The following ATP1A1 variants were observed in gnomAD, a reference collection of about 807,000 sequenced individuals.
ATP1A1 encodes ATPase Na+/K+ transporting subunit alpha 1.
A neutral mutation model predicts 114.8 loss-of-function variants in ATP1A1; 14 were observed. The observed-to-expected ratio is 0.12, with a 90% confidence interval of 0.08 to 0.19. The LOEUF (loss-of-function observed/expected upper bound fraction) is 0.19. Among genes scored for constraint, ATP1A1 ranks in the 10% least tolerant of loss-of-function variants. The probability of loss-of-function intolerance (pLI) is 1.00; values close to 1 mark genes in which losing one functional copy is unlikely to be tolerated. For missense variants in ATP1A1, 524 were observed against 1,290.7 expected (o/e 0.41, Z 9.10); for synonymous variants, 471 against 466.3 (o/e 1.01, Z -0.13).
chr1:116,388,383 C>A lies in ATP1A1; in HGVS notation c.501+139C>A. On this transcript the variant is annotated intron_variant, in intron 5 of 22. Coordinates refer to ENST00000295598, the MANE Select transcript of ATP1A1 (RefSeq NM_000701.8). The surrounding 1 kb of genome is among the most constrained non-coding windows in gnomAD (Gnocchi z 5.6). ...TGGATGTCTTCTACCCCACCCAAAA[C>A]CAACCTATTTTCCTTCTATCCAAAA... The A allele has an allele frequency of 2.1e-6, 2 of 974,338 alleles. No individual in the cohort carries two copies. The highest frequency in any genetic ancestry group is 3.0e-6 in the Non-Finnish European group (2 of 658,644). 60.4% of individuals were successfully genotyped at this position (974,338 alleles called of 1,614,324 possible). A position where few individuals can be genotyped will look rare whatever the true frequency, so the allele number is the denominator to read the frequency against.
At position 116,388,464 on chromosome 1, in the gene ATP1A1, CAATATCTCTT is replaced by C; in HGVS notation, c.502-171_502-162del. The C allele has an allele frequency of 1.0e-6, 1 of 1,004,056 alleles. No individual in the cohort carries two copies. The highest frequency in any genetic ancestry group is 1.4e-6 in the Non-Finnish European group (1 of 699,338). 62.2% of individuals were successfully genotyped at this position (1,004,056 alleles called of 1,614,324 possible). A position where few individuals can be genotyped will look rare whatever the true frequency, so the allele number is the denominator to read the frequency against. On this transcript the variant is annotated intron_variant, in intron 5 of 22. Transcript: ENST00000295598. The surrounding 1 kb of genome is among the most constrained non-coding windows in gnomAD (Gnocchi z 5.6). ...TGAATACAGGCACACCATGTAACAG[CAATATCTCTT>C]AAACTGGCGAGCAAGCTTTTGTAAC...
intron 10 of ATP1A1, 97 bp downstream of exon 10, chr1:116,390,988 A>G (rs1006359493): frequency 2.7e-5 from 28 of 1,041,914 alleles, no homozygotes; most frequent in Middle Eastern, 4.6e-4. Flanking sequence ...GGTCTGTGTG[A>G]CTGTTCACTG....
rs1653517066 is a variant in ATP1A1, at chr1:116,401,937, C to T, written c.2951+282C>T. On this transcript the variant is annotated intron_variant, in intron 21 of 22. Transcript: ENST00000295598. This position sits in a 1 kb window ranked among gnomAD's most constrained non-coding sequence, Gnocchi z 4.7. ...GCTCAACAGCGAACTGCATTGAGCACTCAGGTCTGCCACAGCTGTAGTCCA... is the reference window on the plus strand; with the variant it reads ...GCTCAACAGCGAACTGCATTGAGCATTCAGGTCTGCCACAGCTGTAGTCCA... The T allele has an allele frequency of 4.9e-6, 2 of 408,190 alleles. No individual in the cohort carries two copies. The highest frequency in any genetic ancestry group is 8.8e-6 in the Non-Finnish European group (2 of 228,166). The allele number at this position is 408,190 out of a possible 1,614,324, so 25.3% of individuals were successfully genotyped here.
At chr1:116,383,385 C>G in intron 1 of ATP1A1, 1 of 1,007,348 alleles carries the variant, frequency 9.9e-7, no homozygotes, top group Non-Finnish European at 1.2e-6. Flanking sequence ...GTAATAATGT[C>G]TTTGCAAAGC....
rs746493473 is a variant in ATP1A1 at position 116,401,945 on chromosome 1, TGCC to T, written c.2951+291_2951+293del. On this transcript the variant is annotated intron_variant, in intron 21 of 22. Coordinates refer to ENST00000295598, the MANE Select transcript of ATP1A1 (RefSeq NM_000701.8). The surrounding 1 kb of genome is among the most constrained non-coding windows in gnomAD (Gnocchi z 4.7). ...GCGAACTGCATTGAGCACTCAGGTC[TGCC>T]ACAGCTGTAGTCCAGTTGTCTTTAG... 1.6e-5 allele frequency: 6 copies of T among 381,500 alleles called. No individual in the cohort carries two copies. The highest frequency in any genetic ancestry group is 2.8e-5 in the Non-Finnish European group (6 of 212,258). 23.6% of individuals were successfully genotyped at this position (381,500 alleles called of 1,614,324 possible).
chr1:116,383,747 A>T (rs2101037514), intron 1 of ATP1A1, among the ~76,000 whole-genome samples: 1 of 152,366 alleles, frequency 6.6e-6, no homozygotes, highest in East Asian at 1.9e-4. Context: ...TGGCACTGGC[A>T]GGGCCATTCT....
At chr1:116,402,375 G>C (rs1046698722) in intron 21 of ATP1A1, among the ~76,000 whole-genome samples, 1 of 152,216 alleles carries the variant, frequency 6.6e-6, no homozygotes, top group African/African-American at 2.4e-5. Flanking sequence ...AAGTTCCTTT[G>C]AAGCTTTTGA....
Position 116,387,575 on chromosome 1 carries a change from C to T in ATP1A1, c.387+84C>T, listed in dbSNP as rs1557784229. ...TTGTCTCCCACTTCTTCTCAATTAC[C>T]ACTCATTACTTAATGGTTATGAACT... On this transcript the variant is annotated intron_variant, in intron 4 of 22. Transcript: ENST00000295598. The surrounding 1 kb of genome is among the most constrained non-coding windows in gnomAD (Gnocchi z 6.7). 2.1e-6 allele frequency: 3 copies of T among 1,423,052 alleles called. No individual in the cohort carries two copies. The highest frequency in any genetic ancestry group is 2.9e-6 in the Non-Finnish European group (3 of 1,026,814). The allele number at this position is 1,423,052 out of a possible 1,614,324, so 88.2% of individuals were successfully genotyped here.
At position 116,389,362 on chromosome 1, in the gene ATP1A1, A is replaced by T. The variant is rs12134095; in HGVS notation, c.755-77A>T. The T allele has an allele frequency of 0.036, 56,700 of 1,564,374 alleles. 2,388 individuals carry two copies. Among genetic ancestry groups the T allele is most frequent in the African/African-American group, 0.21 (15,453 of 73,312 alleles). The stretch of plus-strand genomic sequence containing the variant: ...CTCTTTTTGTTTTTTTAGTCATCCT[A>T]TGTAATTGTGTAAAATCCGTGGCTT... On this transcript the variant is annotated intron_variant, in intron 7 of 22. Transcript: ENST00000295598. The surrounding 1 kb of genome is among the most constrained non-coding windows in gnomAD (Gnocchi z 6.9).
intron 1 of ATP1A1, among the ~76,000 whole-genome samples, chr1:116,376,804 G>A (rs1190879341): frequency 9.2e-5 from 14 of 152,108 alleles, no homozygotes; most frequent in Non-Finnish European, 2.1e-4. Flanking sequence ...CAAAAAAAAA[G>A]ATGCCTTTAA....
In ATP1A1 at chr1:116,373,374, A is replaced by ACCCC; in HGVS notation, c.-135_-134insCCCC. The stretch of plus-strand genomic sequence containing the variant: ...GGCCCGAGCCGCCGGCCGCCCTCCC[A>ACCCC]CCCTCCCGCCCCGCGGCAGCCCTAG... On this transcript the variant is annotated 5_prime_UTR_variant, in exon 1 of 23. Coordinates refer to ENST00000295598, the MANE Select transcript of ATP1A1 (RefSeq NM_000701.8). 9.4e-6 allele frequency: 2 copies of ACCCC among 212,620 alleles called. No individual in the cohort carries two copies. Among genetic ancestry groups the ACCCC allele is most frequent in the East Asian group, 1.3e-4 (1 of 7,484 alleles). 13.2% of individuals were successfully genotyped at this position (212,620 alleles called of 1,614,324 possible). A position where few individuals can be genotyped will look rare whatever the true frequency, so the allele number is the denominator to read the frequency against.
Position 116,404,079 on chromosome 1 carries a change from G to A in ATP1A1, c.3043+104G>A. On this transcript the variant is annotated intron_variant, in intron 22 of 22. Coordinates refer to ENST00000295598, the MANE Select transcript of ATP1A1 (RefSeq NM_000701.8). The surrounding 1 kb of genome is among the most constrained non-coding windows in gnomAD (Gnocchi z 4.8). ...GGTGTCTAGGCTCCCTCAGTGGTCA[G>A]TCTGATTAGCTAAGGTGACTGGACC... 8.9e-7 allele frequency: 1 copy of A among 1,126,586 alleles called. No homozygotes were observed. The highest frequency in any genetic ancestry group is 2.4e-5 in the East Asian group (1 of 42,264). 69.8% of individuals were successfully genotyped at this position (1,126,586 alleles called of 1,614,324 possible).
Position 116,393,770 on chromosome 1 carries a change from A to G in ATP1A1, c.1660+47A>G, listed in dbSNP as rs200192898. ...AGAGTGCCTGGGCACGTTTTTATCC[A>G]GTAACCTAGTCTGGTAGACAGTTAA... On this transcript the variant is annotated intron_variant, in intron 12 of 22. Coordinates refer to ENST00000295598, the MANE Select transcript of ATP1A1 (RefSeq NM_000701.8). This position sits in a 1 kb window ranked among gnomAD's most constrained non-coding sequence, Gnocchi z 5.0. 6 of 1,560,890 alleles carry G rather than the reference A, an allele frequency of 3.8e-6. No individual in the cohort carries two copies. In the East Asian group the frequency reaches 1.4e-4, roughly 36 times the overall value.
chr1:116,388,837 G>T lies in ATP1A1; in HGVS notation c.636+65G>T. 6.2e-7 allele frequency: 1 copy of T among 1,613,192 alleles called. No homozygotes were observed. Among genetic ancestry groups the T allele is most frequent in the Non-Finnish European group, 8.5e-7 (1 of 1,179,418 alleles). ...CTGTTCGGGCAGCTTGATTTGAGGGGTACAGTAGCCCATGATAAGGCTGGT... is the reference window on the plus strand; with the variant it reads ...CTGTTCGGGCAGCTTGATTTGAGGGTTACAGTAGCCCATGATAAGGCTGGT... On this transcript the variant is annotated intron_variant, in intron 6 of 22. Coordinates refer to ENST00000295598, the MANE Select transcript of ATP1A1 (RefSeq NM_000701.8). The surrounding 1 kb of genome is among the most constrained non-coding windows in gnomAD (Gnocchi z 5.6).
At chr1:116,400,662 T>G (rs541551860) in intron 18 of ATP1A1, among the ~76,000 whole-genome samples, 199 bp from the exon 19 acceptor site, 1 of 152,216 alleles carries the variant, frequency 6.6e-6, no homozygotes, top group South Asian at 2.1e-4. Flanking sequence ...GCCCTGAGAT[T>G]GGAGTGTATG....
chr1:116,384,095 A>G lies in ATP1A1; in HGVS notation c.94A>G (p.Met32Val). The G allele has an allele frequency of 6.2e-7, 1 of 1,614,056 alleles. No individual in the cohort carries two copies. The highest frequency in any genetic ancestry group is 2.2e-5 in the East Asian group (1 of 44,866). ...KGKKGKKDRD[M>V]DELKKEVSMD... ...CAAAAAGGGCAAAAAAGACAGGGAC[A>G]TGGATGAACTGAAGAAAGAAGTTTC... is the stretch of plus-strand genomic sequence containing the variant. The change falls in exon 2 of 23, where the codon ATG (methionine) becomes GTG (valine). Residue 32 changes from methionine (M) to valine (V), a missense_variant. By Grantham distance (21) the Met-to-Val change is conservative. Around this residue, in one of 8 missense-constraint regions of ATP1A1, gnomAD observed 141 missense variants for 316.6 expected, o/e 0.45. Coordinates refer to ENST00000295598, the MANE Select transcript of ATP1A1 (RefSeq NM_000701.8). This position sits in a 1 kb window ranked among gnomAD's most constrained non-coding sequence, Gnocchi z 5.1.
intron 10 of ATP1A1, chr1:116,392,191 T>C (rs1652519231): frequency 1.3e-5 from 2 of 152,248 alleles, no homozygotes; most frequent in African/African-American, 4.8e-5. Flanking sequence ...AAGTGTGTCA[T>C]CATGTATCAT....
In ATP1A1 at chr1:116,398,780, G is replaced by C; in HGVS notation, c.2284G>C (p.Val762Leu). Residue 762 changes from valine to leucine, a missense_variant, in exon 16 of 23, where the codon GTA becomes CTA. Physicochemically the swap from Val to Leu is conservative, Grantham distance 32. Transcript: ENST00000295598. The surrounding 1 kb of genome is among the most constrained non-coding windows in gnomAD (Gnocchi z 6.1). ...DDNFASIVTG[V>L]EEGRLIFDNL... is the part of the protein sequence containing the mutation. ...CAACTTTGCCTCAATTGTGACTGGA[G>C]TAGAGGAAGGTGAGAGCTATTTAAG... 6.2e-7 allele frequency: 1 copy of C among 1,614,128 alleles called. No individual in the cohort carries two copies. The highest frequency in any genetic ancestry group is 8.5e-7 in the Non-Finnish European group (1 of 1,180,010).
chr1:116,379,644 T>C (rs1651608292), intron 1 of ATP1A1, among the ~76,000 whole-genome samples: 2 of 152,262 alleles, frequency 1.3e-5, no homozygotes, highest in Admixed American at 1.3e-4. Context: ...AGTTTTTTCT[T>C]CAAAGGTTTG....
Sources: allele counts gnomAD v4.1 joint callset (sites outside exome capture counted in the v4.1 genomes callset), GRCh38; gene constraint gnomAD v4.1.1; regional missense constraint gnomAD v4.1.1; non-coding constraint Gnocchi (gnomAD v3.1); transcripts MANE v1.5; gene names NCBI Gene and HGNC (gene_info 2026-07-23, HGNC 2026-07-21).